ABCC9: variants seen among roughly 807,000 people sequenced by gnomAD.
ABCC9 encodes ATP-binding cassette sub-family C member 9.
A neutral mutation model predicts 188.3 loss-of-function variants in ABCC9; 95 were observed. That is an observed-to-expected ratio of 0.50 (90% CI 0.43 to 0.60). The LOEUF (loss-of-function observed/expected upper bound fraction) is 0.60, where lower values mean the gene tolerates loss of function less well. ABCC9 is among the 20% of genes least tolerant of loss of function. The pLI is 0.00. For synonymous variants in ABCC9, 659 were observed against 652.7 expected (o/e 1.01, Z -0.15); for missense variants, 1,102 against 1,876.3 (o/e 0.59, Z 7.62).
chr12:21,862,494 C>A (rs1945568409), intron 20 of ABCC9, among the ~76,000 whole-genome samples: 1 of 152,124 alleles, frequency 6.6e-6, no homozygotes, highest in African/African-American at 2.4e-5. Flanking sequence ...AGGGTCATAC[C>A]TTCTTATGTG....
At chr12:21,829,487 C>T (rs908228061) in intron 30 of ABCC9, among the ~76,000 whole-genome samples, 2 of 152,120 alleles carry the variant, frequency 1.3e-5, no homozygotes, top group Admixed American at 6.5e-5. Context: ...AGGCGTGTGC[C>T]ACCGCACCCG....
At chr12:21,833,288 TA>T (rs1943879868) in intron 30 of ABCC9, among the ~76,000 whole-genome samples, 2 of 151,864 alleles carry the variant, frequency 1.3e-5, no homozygotes, top group South Asian at 4.2e-4. Flanking sequence ...TAAACTAAAA[TA>T]AAACATTAAA....
chr12:21,848,036 A>T (rs943148292), intron 25 of ABCC9, 114 bp downstream of exon 25: 1 of 873,136 alleles, frequency 1.1e-6, no homozygotes, highest in African/African-American at 1.7e-5. Flanking sequence ...ACTTGATTTA[A>T]TTTTTTCCCC....
At chr12:21,824,301 T>C (rs1463307710) in intron 31 of ABCC9, among the ~76,000 whole-genome samples, 1 of 152,188 alleles carries the variant, frequency 6.6e-6, no homozygotes, top group East Asian at 1.9e-4. Context: ...GTTTATTGAT[T>C]TGCGTATGTT....
At chr12:21,865,022 T>C (rs1945711531) in intron 18 of ABCC9, among the ~76,000 whole-genome samples, 2 of 152,098 alleles carry the variant, frequency 1.3e-5, no homozygotes, top group Admixed American at 6.6e-5. Flanking sequence ...GTAGAATCAA[T>C]TATTGATATG....
chr12:21,894,055 T>C lies in ABCC9; in HGVS notation c.1779A>G (p.Arg593=), dbSNP rs1288784699. ...ACCTTATGATGGCTTTGACTGCAAA[T>C]CTGACCACCGTGGAGAGCAGGAACA... The part of the protein sequence containing the change: ...TPLFLLSTVV[R]FAVKAIISVQ... The change falls in exon 14 of 40, where the codon AGA becomes AGG. Residue 593 remains arginine (R), a synonymous_variant. Transcript: ENST00000261200. The C allele has an allele frequency of 6.2e-7, 1 of 1,614,000 alleles. No homozygotes were observed. Among genetic ancestry groups the C allele is most frequent in the Non-Finnish European group, 8.5e-7 (1 of 1,180,000 alleles).
intron 31 of ABCC9, among the ~76,000 whole-genome samples, 170 bp downstream of exon 31, chr12:21,828,788 T>G (rs1943540991): frequency 6.6e-6 from 1 of 152,232 alleles, no homozygotes; most frequent in Non-Finnish European, 1.5e-5. Context: ...GCTAAAACAT[T>G]ATGACAAACT....
intron 32 of ABCC9, among the ~76,000 whole-genome samples, chr12:21,817,774 T>A (rs923362376): frequency 2.0e-5 from 3 of 152,124 alleles, no homozygotes; most frequent in Non-Finnish European, 2.9e-5. Flanking sequence ...CAATCTACTA[T>A]TATTTGCAAG....
chr12:21,797,535 G>C lies in ABCC9; in HGVS notation c.*3509C>G, dbSNP rs1424331281. 1 of 152,050 alleles carries C rather than the reference G, an allele frequency of 6.6e-6. No individual in the cohort carries two copies. The highest frequency in any genetic ancestry group is 2.4e-5 in the African/African-American group (1 of 41,420). 9.4% of individuals were successfully genotyped at this position (152,050 alleles called of 1,614,324 possible). ...ATAGAATAAACACAACATAGAAAAGGAAAGAGAATAACCTATAGTTATAGG... is the reference window on the plus strand; with the variant it reads ...ATAGAATAAACACAACATAGAAAAGCAAAGAGAATAACCTATAGTTATAGG... On this transcript the variant is annotated 3_prime_UTR_variant, in exon 40 of 40. Coordinates refer to ENST00000261200, the MANE Select transcript of ABCC9 (RefSeq NM_020297.4).
chr12:21,890,667 G>T (rs1565452373), intron 14 of ABCC9, among the ~76,000 whole-genome samples: 1 of 152,176 alleles, frequency 6.6e-6, no homozygotes, highest in East Asian at 1.9e-4. Flanking sequence ...CATGTCCTTT[G>T]TACGGACATG....
chr12:21,909,746 A>G (rs537333567), intron 10 of ABCC9, among the ~76,000 whole-genome samples: 1 of 152,092 alleles, frequency 6.6e-6, no homozygotes, highest in South Asian at 2.1e-4. Flanking sequence ...ACTTACATGA[A>G]TCGAGGCAAT....
At chr12:21,893,040 A>G (rs966158970) in intron 14 of ABCC9, among the ~76,000 whole-genome samples, 9 of 152,172 alleles carry the variant, frequency 5.9e-5, no homozygotes, top group Non-Finnish European at 8.8e-5. Context: ...CTGAGGTTTT[A>G]TAGGTTTATA....
At chr12:21,857,528 G>C (rs1458825648) in intron 22 of ABCC9, among the ~76,000 whole-genome samples, 1 of 152,088 alleles carries the variant, frequency 6.6e-6, no homozygotes, top group Non-Finnish European at 1.5e-5. Flanking sequence ...CAGAACCTGT[G>C]ACTGTGTTAC....
chr12:21,875,454 C>T (rs192279523), intron 17 of ABCC9, among the ~76,000 whole-genome samples, 200 bp downstream of exon 17: 6 of 152,176 alleles, frequency 3.9e-5, no homozygotes, highest in East Asian at 1.9e-4. Context: ...AAGGTATAGA[C>T]GCCACTGTGA....
At chr12:21,880,697 C>T (rs111984397) in intron 16 of ABCC9, among the ~76,000 whole-genome samples, 20 of 152,004 alleles carry the variant, frequency 1.3e-4, no homozygotes, top group Non-Finnish European at 2.5e-4. Flanking sequence ...GCACACAACA[C>T]GTGGCAAAAA....
At chr12:21,866,704 G>A (rs956742908) in intron 18 of ABCC9, among the ~76,000 whole-genome samples, 1 of 152,176 alleles carries the variant, frequency 6.6e-6, no homozygotes, top group African/African-American at 2.4e-5. Flanking sequence ...TCAAGGAGTC[G>A]TCGATGGGTG....
At chr12:21,882,680 A>G in intron 16 of ABCC9, 86 bp downstream of exon 16, 2 of 1,222,050 alleles carry the variant, frequency 1.6e-6, no homozygotes, top group Non-Finnish European at 1.2e-6. Context: ...TTAAAGGCAC[A>G]ATTTGGGACA....
At chr12:21,814,807 A>G (rs187876443) in intron 34 of ABCC9, 85 bp from the exon 35 acceptor site, 50 of 1,043,996 alleles carry the variant, frequency 4.8e-5, no homozygotes, top group East Asian at 2.3e-4. Flanking sequence ...AACTTAAGAT[A>G]TTATGATAAA....
chr12:21,922,108 C>A (rs1948844343), intron 5 of ABCC9, among the ~76,000 whole-genome samples: 2 of 151,822 alleles, frequency 1.3e-5, no homozygotes, highest in African/African-American at 2.4e-5. Context: ...TGAAAAATGT[C>A]ATTGGTATTT....
Sources: allele counts gnomAD v4.1 joint callset (sites outside exome capture counted in the v4.1 genomes callset), GRCh38; gene constraint gnomAD v4.1.1; transcripts MANE v1.5; gene names NCBI Gene and HGNC (gene_info 2026-07-23, HGNC 2026-07-21).